Variants in COL25A1 observed in about 807,000 individuals in gnomAD.
COL25A1 encodes the protein collagen type XXV alpha 1 chain, also known as collagen alpha-1(XXV) chain.
In COL25A1, 103 loss-of-function variants were observed where a neutral mutation model predicts 128.4. That is an observed-to-expected ratio of 0.80 (90% CI 0.68 to 0.94). The LOEUF (loss-of-function observed/expected upper bound fraction) is 0.94, where lower values mean the gene tolerates loss of function less well. Ranked by LOEUF, COL25A1 falls within the 40% of genes least tolerant of loss-of-function variation. The pLI is 0.00. For missense variants in COL25A1, 745 were observed against 840.0 expected (o/e 0.89, Z 1.40); for synonymous variants, 279 against 277.2 (o/e 1.01, Z -0.06).
intron 3 of COL25A1, among the ~76,000 whole-genome samples, chr4:109,196,855 A>G (rs922659465): frequency 6.6e-6 from 1 of 152,224 alleles, no homozygotes; most frequent in African/African-American, 2.4e-5. Flanking sequence ...ATTACTTTAG[A>G]GAGGCTAGTC....
chr4:109,197,421 TTATA>T (rs1349045501), intron 3 of COL25A1, among the ~76,000 whole-genome samples: 4 of 126,132 alleles, frequency 3.2e-5, no homozygotes, highest in African/African-American at 6.0e-5. Flanking sequence ...ATATTATATA[TTATA>T]TATAAATATT....
chr4:109,288,075 A>G (rs2126281826), intron 3 of COL25A1, among the ~76,000 whole-genome samples: 1 of 152,292 alleles, frequency 6.6e-6, no homozygotes. Flanking sequence ...CCAAAATAGC[A>G]GCGTAAAATC....
Position 108,954,118 on chromosome 4 carries a change from T to G in COL25A1, c.493-12681A>C, listed in dbSNP as rs1749781534. 2.0e-5 allele frequency among the ~76,000 whole-genome samples: 3 copies of G among 152,248 alleles called. No homozygotes were observed. In the East Asian group the frequency reaches 5.8e-4, roughly 29 times the overall value. On this transcript the variant is annotated intron_variant, in intron 8 of 37. Transcript: ENST00000399132. ...GTAGCTACTTCCCATAGTGATTAAT[T>G]CATTTGGGAGGAGTCCCATGATTTG...
intron 3 of COL25A1, among the ~76,000 whole-genome samples, chr4:109,296,368 C>G (rs1164806383): frequency 6.6e-6 from 1 of 151,974 alleles, no homozygotes. Flanking sequence ...AGATTTTAGT[C>G]ATCTGCCCCA....
chr4:109,090,792 A>T (rs1764826030), intron 3 of COL25A1, among the ~76,000 whole-genome samples: 1 of 152,156 alleles, frequency 6.6e-6, no homozygotes. Context: ...TGATGTAACT[A>T]CTTGGGAAAC....
At chr4:109,274,209 TA>T (rs11396793) in intron 3 of COL25A1, among the ~76,000 whole-genome samples, 1 of 152,016 alleles carries the variant, frequency 6.6e-6, no homozygotes, top group South Asian at 2.1e-4. Context: ...CATTTTCAAT[TA>T]AAAAAATGAT....
chr4:108,911,799 G>A (rs1458387597), intron 13 of COL25A1, among the ~76,000 whole-genome samples: 1 of 135,652 alleles, frequency 7.4e-6, no homozygotes, highest in Non-Finnish European at 1.6e-5. Flanking sequence ...CATTTGCTTC[G>A]CTGTTTTTTT....
intron 13 of COL25A1, among the ~76,000 whole-genome samples, chr4:108,916,102 T>C (rs1744843110): frequency 6.6e-6 from 1 of 152,194 alleles, no homozygotes. Flanking sequence ...CTAAAAATGA[T>C]ATAGCAAATA....
chr4:108,985,793 C>A (rs1406433997), intron 6 of COL25A1, among the ~76,000 whole-genome samples: 1 of 152,142 alleles, frequency 6.6e-6, no homozygotes, highest in Non-Finnish European at 1.5e-5. Flanking sequence ...AATATATACC[C>A]TTAAGGCTAT....
intron 11 of COL25A1, among the ~76,000 whole-genome samples, chr4:108,924,993 A>G (rs979573280): frequency 6.6e-6 from 1 of 152,170 alleles, no homozygotes. Context: ...AACAATAATC[A>G]TAATTGTCTG....
At chr4:109,265,068 T>C (rs937105119) in intron 3 of COL25A1, among the ~76,000 whole-genome samples, 5 of 152,194 alleles carry the variant, frequency 3.3e-5, no homozygotes, top group Admixed American at 2.6e-4. Context: ...ATCATGATCT[T>C]GTTCAGACAT....
intron 11 of COL25A1, among the ~76,000 whole-genome samples, chr4:108,933,958 A>G (rs955863161): frequency 6.6e-6 from 1 of 152,042 alleles, no homozygotes; most frequent in Non-Finnish European, 1.5e-5. Flanking sequence ...TAGAATTACC[A>G]TTTGACCCAG....
intron 3 of COL25A1, among the ~76,000 whole-genome samples, chr4:109,280,951 T>G (rs2126274789): frequency 6.6e-6 from 1 of 152,222 alleles, no homozygotes; most frequent in South Asian, 2.1e-4. Flanking sequence ...TATCTACAAC[T>G]TACATTTGAA....
intron 3 of COL25A1, among the ~76,000 whole-genome samples, chr4:109,141,889 A>G (rs1014016301): frequency 6.6e-6 from 1 of 152,072 alleles, no homozygotes; most frequent in Non-Finnish European, 1.5e-5. Context: ...TCCTGGATTA[A>G]CTGATTTTTT....
chr4:109,060,935 T>C (rs1310905904), intron 3 of COL25A1, among the ~76,000 whole-genome samples: 1 of 152,190 alleles, frequency 6.6e-6, no homozygotes, highest in Non-Finnish European at 1.5e-5. Flanking sequence ...ACTTTTCAAC[T>C]CTAAATGCTT....
intron 13 of COL25A1, among the ~76,000 whole-genome samples, chr4:108,917,942 C>T (rs1025147): frequency 0.69 from 104,625 of 152,088 alleles, 37,398 homozygotes; most frequent in East Asian, 1. Context: ...TATTGAAAAG[C>T]AACACATCCA....
chr4:109,294,481 T>G (rs1333261646), intron 3 of COL25A1, among the ~76,000 whole-genome samples: 1 of 152,124 alleles, frequency 6.6e-6, no homozygotes, highest in East Asian at 1.9e-4. Flanking sequence ...TATCCATGTC[T>G]AAGAATTGAG....
chr4:109,042,594 AATAATGAT>A (rs1357268604), intron 5 of COL25A1, among the ~76,000 whole-genome samples: 1 of 152,128 alleles, frequency 6.6e-6, no homozygotes, highest in African/African-American at 2.4e-5. Context: ...TCCCTCCATC[AATAATGAT>A]AATACCCTGC....
In COL25A1 at chr4:109,138,051, T is replaced by A. The variant is rs1056191767; in HGVS notation, c.368-87872A>T. ...GTGCAGAACATGCAGGTTTGCTACA[T>A]AGGTATACACGTACCATGGTGGTTT... On this transcript the variant is annotated intron_variant, in intron 3 of 37. Transcript: ENST00000399132. Among the ~76,000 whole-genome samples, 8 of 150,438 alleles carry A rather than the reference T, an allele frequency of 5.3e-5. 1 individual carries two copies. The Admixed American group carries it at 5.3e-4, about 10-fold the overall frequency.
Sources: gnomAD v4.1 joint callset for allele counts (sites outside exome capture counted in the v4.1 genomes callset) on GRCh38, gnomAD v4.1.1 for gene constraint, MANE v1.5 for transcripts, NCBI Gene and HGNC (gene_info 2026-07-23, HGNC 2026-07-21) for gene names.